Variants in SMYD3 observed in about 807,000 individuals in gnomAD.
The protein encoded by SMYD3 is histone-lysine N-methyltransferase SMYD3.
A neutral mutation model predicts 57.7 loss-of-function variants in SMYD3; 36 were observed. The observed-to-expected ratio is 0.62, with a 90% confidence interval of 0.48 to 0.82. SMYD3 has a LOEUF of 0.82. Among genes scored for constraint, SMYD3 ranks in the 40% least tolerant of loss-of-function variants. The pLI is 0.00. For synonymous variants in SMYD3, 211 were observed against 195.0 expected, an observed-to-expected ratio of 1.08 and a Z score of -0.68; for missense variants, 515 against 538.8, an observed-to-expected ratio of 0.96 and a Z score of 0.44.
intron 10 of SMYD3, among the ~76,000 whole-genome samples, chr1:245,799,245 T>C (rs1274707841): frequency 6.6e-6 from 1 of 152,048 alleles, no homozygotes; most frequent in African/African-American, 2.4e-5. Context: ...AAGAGCAACA[T>C]CACAGAGAGA....
chr1:246,134,340 TTA>T (rs1030748773), intron 5 of SMYD3, among the ~76,000 whole-genome samples: 1 of 152,120 alleles, frequency 6.6e-6, no homozygotes, highest in African/African-American at 2.4e-5. Context: ...ATAAGGCATT[TTA>T]TATATGTTTA....
intron 1 of SMYD3, among the ~76,000 whole-genome samples, chr1:246,491,603 A>G (rs1220647084): frequency 6.6e-6 from 1 of 152,196 alleles, no homozygotes; most frequent in South Asian, 2.1e-4. Flanking sequence ...TATTTAAGGA[A>G]GACTACTAAT....
At chr1:245,944,839 C>A (rs1488033226) in intron 5 of SMYD3, among the ~76,000 whole-genome samples, 4 of 152,118 alleles carry the variant, frequency 2.6e-5, no homozygotes, top group African/African-American at 9.7e-5. Context: ...TAAGACTGCA[C>A]ATCTACCACC....
At chr1:245,827,345 G>A (rs1321482691) in intron 10 of SMYD3, among the ~76,000 whole-genome samples, 1 of 152,172 alleles carries the variant, frequency 6.6e-6, no homozygotes, top group Non-Finnish European at 1.5e-5. Context: ...GATACATGAG[G>A]TGACACCTGT....
At chr1:246,491,467 G>A (rs1404676995) in intron 1 of SMYD3, among the ~76,000 whole-genome samples, 1 of 151,826 alleles carries the variant, frequency 6.6e-6, no homozygotes, top group African/African-American at 2.4e-5. Context: ...TTGAACCCAG[G>A]AGGTGGAGGT....
At chr1:246,493,771 G>A (rs12034980) in intron 1 of SMYD3, among the ~76,000 whole-genome samples, 2 of 89,996 alleles carry the variant, frequency 2.2e-5, no homozygotes, top group East Asian at 5.2e-4. Context: ...CCACAGAGCA[G>A]TACTGTCACC....
chr1:246,496,340 T>C (rs1433943625), intron 1 of SMYD3, among the ~76,000 whole-genome samples: 2 of 152,140 alleles, frequency 1.3e-5, no homozygotes, highest in African/African-American at 4.8e-5. Flanking sequence ...GGCCAGTTTC[T>C]TGATTTTTTT....
intron 5 of SMYD3, among the ~76,000 whole-genome samples, chr1:246,233,330 C>T (rs1448890652): frequency 3.2e-5 from 4 of 123,716 alleles, no homozygotes; most frequent in Admixed American, 1.8e-4. Context: ...ATATACCACA[C>T]AGAGGAGAAG....
intron 8 of SMYD3, among the ~76,000 whole-genome samples, chr1:245,895,651 C>T (rs1235166997): frequency 1.3e-5 from 2 of 152,244 alleles, no homozygotes; most frequent in Non-Finnish European, 2.9e-5. Flanking sequence ...TCTTCTTCTT[C>T]AGACAATCAT....
intron 7 of SMYD3, among the ~76,000 whole-genome samples, chr1:245,921,878 T>A (rs2055990383): frequency 6.6e-6 from 1 of 152,022 alleles, no homozygotes; most frequent in African/African-American, 2.4e-5. Flanking sequence ...AACTGTTGGG[T>A]ACCATGTTCA....
intron 5 of SMYD3, among the ~76,000 whole-genome samples, chr1:245,981,105 C>T (rs551787196): frequency 6.6e-6 from 1 of 152,312 alleles, no homozygotes; most frequent in East Asian, 1.9e-4. Context: ...GGACAGAAAC[C>T]TTGTTTATCT....
intron 8 of SMYD3, among the ~76,000 whole-genome samples, chr1:245,911,498 T>C (rs1234073136): frequency 6.7e-6 from 1 of 150,278 alleles, no homozygotes; most frequent in East Asian, 1.9e-4. Context: ...AAAAATGCCA[T>C]ATATATATAT....
intron 1 of SMYD3, among the ~76,000 whole-genome samples, chr1:246,396,752 T>C (rs1358440634): frequency 6.6e-6 from 1 of 152,206 alleles, no homozygotes; most frequent in African/African-American, 2.4e-5. Context: ...CTGCCAGCCA[T>C]GGTGAGATGT....
chr1:246,365,356 A>G (rs2066081319), intron 1 of SMYD3, among the ~76,000 whole-genome samples: 1 of 151,734 alleles, frequency 6.6e-6, no homozygotes. Context: ...TTAGCCAGGC[A>G]TGGTGTCACA....
intron 1 of SMYD3, among the ~76,000 whole-genome samples, chr1:246,392,838 C>T (rs896608574): frequency 6.9e-6 from 1 of 145,254 alleles, no homozygotes; most frequent in Non-Finnish European, 1.5e-5. Context: ...AATAAAGAAA[C>T]ATTTCACTAA....
intron 5 of SMYD3, among the ~76,000 whole-genome samples, chr1:246,210,029 A>G (rs1483908528): frequency 1.3e-5 from 2 of 152,180 alleles, no homozygotes; most frequent in African/African-American, 4.8e-5. Context: ...TGGCTCTTCT[A>G]CTACCAATAT....
chr1:246,442,033 C>T (rs756551815), intron 1 of SMYD3, among the ~76,000 whole-genome samples: 8 of 152,238 alleles, frequency 5.3e-5, no homozygotes, highest in Non-Finnish European at 1.2e-4. Context: ...TAGAGACACA[C>T]TCTCAAGGCT....
intron 5 of SMYD3, among the ~76,000 whole-genome samples, chr1:245,951,344 T>A (rs57236200): frequency 7.0e-6 from 1 of 142,070 alleles, no homozygotes; most frequent in African/African-American, 2.8e-5. Context: ...CTGAGGCGGG[T>A]GGATCACGAG....
At chr1:245,886,674 CTCT>C (rs1296254041) in intron 8 of SMYD3, among the ~76,000 whole-genome samples, 1 of 152,240 alleles carries the variant, frequency 6.6e-6, no homozygotes, top group East Asian at 1.9e-4. Flanking sequence ...TCTCTACAAG[CTCT>C]TCTTCTGGGT....
Sources: allele counts gnomAD v4.1 joint callset (sites outside exome capture counted in the v4.1 genomes callset), GRCh38; gene constraint gnomAD v4.1.1; transcripts MANE v1.5; gene names NCBI Gene and HGNC (gene_info 2026-07-23, HGNC 2026-07-21).